Variants in PTPRR observed in about 807,000 individuals in gnomAD.
The protein encoded by PTPRR is receptor-type tyrosine-protein phosphatase R.
PTPRR carries 38 observed loss-of-function variants against 77.2 expected under a neutral mutation model. The ratio of observed to expected loss-of-function variants is 0.49; its 90% CI spans 0.38 to 0.65. The LOEUF is 0.65. PTPRR is among the 30% of genes least tolerant of loss of function. The probability of loss-of-function intolerance (pLI) is 0.00; values close to 1 mark genes in which losing one functional copy is unlikely to be tolerated. For missense variants in PTPRR, 744 were observed against 799.2 expected (o/e 0.93, Z 0.83); for synonymous variants, 299 against 283.1 (o/e 1.06, Z -0.57).
At chr12:70,907,768 T>C (rs2076253320) in intron 1 of PTPRR, among the ~76,000 whole-genome samples, 2 of 152,076 alleles carry the variant, frequency 1.3e-5, no homozygotes, top group Non-Finnish European at 1.5e-5. Flanking sequence ...CAATCAGATG[T>C]CCCCCAGTTT....
chr12:70,760,485 A>G (rs570699968), intron 4 of PTPRR, among the ~76,000 whole-genome samples: 1 of 152,330 alleles, frequency 6.6e-6, no homozygotes, highest in South Asian at 2.1e-4. Flanking sequence ...TGAATAGACC[A>G]GGGATCAGGA....
intron 8 of PTPRR, among the ~76,000 whole-genome samples, chr12:70,692,399 T>C (rs928752778): frequency 2.6e-5 from 4 of 152,168 alleles, no homozygotes; most frequent in Non-Finnish European, 5.9e-5. Context: ...TAGTAAAAAC[T>C]GAGAAACTAA....
chr12:70,680,949 C>A (rs1437798479), intron 10 of PTPRR, among the ~76,000 whole-genome samples: 1 of 151,906 alleles, frequency 6.6e-6, no homozygotes, highest in African/African-American at 2.4e-5. Flanking sequence ...ATGCTGACTG[C>A]TCATGAGGCC....
At chr12:70,662,418 C>T (rs981181807) in intron 11 of PTPRR, 77 bp downstream of exon 11, 14 of 781,448 alleles carry the variant, frequency 1.8e-5, no homozygotes, top group Non-Finnish European at 2.6e-5. Flanking sequence ...ATTTGTAGTA[C>T]TTAAATAATT....
In PTPRR at chr12:70,684,111, T is replaced by C. The variant is rs768458009; in HGVS notation, c.1497+16A>G. On this transcript the variant is annotated intron_variant, in intron 10 of 13. Transcript: ENST00000283228. ...CAGAACACATATAACATTCAGAACT[T>C]GATTAAAGATCATACCTCATTTTTT... 5.7e-5 allele frequency: 92 copies of C among 1,612,260 alleles called. No homozygotes were observed. The highest frequency in any genetic ancestry group is 7.7e-5 in the Non-Finnish European group (91 of 1,178,956).
intron 2 of PTPRR, among the ~76,000 whole-genome samples, chr12:70,776,568 C>A (rs17108768): frequency 0.021 from 3,170 of 152,220 alleles, 125 homozygotes; most frequent in African/African-American, 0.072. Context: ...ACCTCTTACA[C>A]CTTTCCACCA....
chr12:70,792,959 T>C (rs1891447603), intron 2 of PTPRR, among the ~76,000 whole-genome samples: 1 of 152,144 alleles, frequency 6.6e-6, no homozygotes, highest in Non-Finnish European at 1.5e-5. Context: ...GAAGTTTGGA[T>C]AGAATAGTGA....
intron 1 of PTPRR, among the ~76,000 whole-genome samples, chr12:70,898,552 T>C (rs1353860692): frequency 6.7e-6 from 1 of 148,832 alleles, no homozygotes; most frequent in Non-Finnish European, 1.5e-5. Context: ...TATAAATATA[T>C]ATATACACAC....
In PTPRR at chr12:70,698,221, C is replaced by T. The variant is rs760570511; in HGVS notation, c.1279+44G>A. Reference sequence around the variant, plus strand: ...TATTTCTCCTAATGGCTATCCCTCCCCTTGCCCCCCATACAATGCAAATTA... The same window carrying T: ...TATTTCTCCTAATGGCTATCCCTCCTCTTGCCCCCCATACAATGCAAATTA... On this transcript the variant is annotated intron_variant, in intron 8 of 13. Coordinates refer to ENST00000283228, the MANE Select transcript of PTPRR (RefSeq NM_002849.4). The T allele has an allele frequency of 5.8e-6, 9 of 1,543,114 alleles. No homozygotes were observed. The South Asian group carries it at 1.0e-4, about 17-fold the overall frequency.
At chr12:70,847,345 A>G (rs1892502780) in intron 2 of PTPRR, among the ~76,000 whole-genome samples, 1 of 152,228 alleles carries the variant, frequency 6.6e-6, no homozygotes, top group Admixed American at 6.5e-5. Flanking sequence ...AACCACAAAC[A>G]TAATCAAAAC....
intron 2 of PTPRR, among the ~76,000 whole-genome samples, chr12:70,837,084 T>G (rs896371054): frequency 6.6e-6 from 1 of 151,920 alleles, no homozygotes; most frequent in African/African-American, 2.4e-5. Flanking sequence ...GAAGCCAGAA[T>G]ACAATTGGGA....
intron 2 of PTPRR, among the ~76,000 whole-genome samples, chr12:70,850,108 TCCCAGCA>T (rs1892547363): frequency 1.3e-5 from 2 of 152,150 alleles, no homozygotes; most frequent in Non-Finnish European, 2.9e-5. Context: ...ACCTCTGTAA[TCCCAGCA>T]CTTTGGGAGG....
At chr12:70,785,328 C>CTTCGT (rs1555175721) in intron 2 of PTPRR, among the ~76,000 whole-genome samples, 2 of 149,740 alleles carry the variant, frequency 1.3e-5, no homozygotes, top group Non-Finnish European at 3.0e-5. Context: ...CTAGTTTTTC[C>CTTCGT]TTCATTAGTC....
chr12:70,883,411 A>C (rs1271680800), intron 2 of PTPRR, among the ~76,000 whole-genome samples: 1 of 152,206 alleles, frequency 6.6e-6, no homozygotes, highest in African/African-American at 2.4e-5. Context: ...CTTCTCTGGT[A>C]AGCCGAATGA....
chr12:70,691,941 C>T (rs1360751750), intron 8 of PTPRR, among the ~76,000 whole-genome samples: 1 of 152,126 alleles, frequency 6.6e-6, no homozygotes, highest in African/African-American at 2.4e-5. Context: ...AAATGTCATC[C>T]ATACTTCCCA....
chr12:70,780,773 A>G (rs1247276206), intron 2 of PTPRR, among the ~76,000 whole-genome samples: 1 of 152,188 alleles, frequency 6.6e-6, no homozygotes, highest in Non-Finnish European at 1.5e-5. Flanking sequence ...TTAATATAAT[A>G]ATATTCCTGG....
intron 6 of PTPRR, among the ~76,000 whole-genome samples, chr12:70,729,358 A>G (rs1198822561): frequency 7.4e-6 from 1 of 134,586 alleles, no homozygotes; most frequent in East Asian, 2.4e-4. Flanking sequence ...CTATCTATCT[A>G]TCTATCTGAG....
chr12:70,895,229 G>T (rs998600451), intron 1 of PTPRR, among the ~76,000 whole-genome samples: 5 of 151,492 alleles, frequency 3.3e-5, no homozygotes, highest in South Asian at 2.1e-4. Context: ...AAAGAAAAAA[G>T]CAGCTTAGAA....
chr12:70,655,689 C>T (rs1265366351), intron 13 of PTPRR, among the ~76,000 whole-genome samples: 1 of 152,120 alleles, frequency 6.6e-6, no homozygotes, highest in Non-Finnish European at 1.5e-5. Flanking sequence ...GTGCCTAGAG[C>T]ATTTAAACTG....
Sources: allele counts gnomAD v4.1 joint callset (sites outside exome capture counted in the v4.1 genomes callset), GRCh38; gene constraint gnomAD v4.1.1; transcripts MANE v1.5; gene names NCBI Gene and HGNC (gene_info 2026-07-23, HGNC 2026-07-21).